The following SCAPER variants were observed in gnomAD, a reference collection of about 807,000 sequenced individuals.
SCAPER encodes the protein S phase cyclin A-associated protein in the endoplasmic reticulum.
SCAPER carries 98 observed loss-of-function variants against 182.2 expected under a neutral mutation model. The observed-to-expected ratio is 0.54, with a 90% CI of 0.46 to 0.64. The LOEUF is 0.64. Among genes scored for constraint, SCAPER ranks in the 30% least tolerant of loss-of-function variants. The probability of loss-of-function intolerance (pLI) is 0.00; values close to 1 mark genes in which losing one functional copy is unlikely to be tolerated. For missense variants in SCAPER, 1,432 were observed against 1,690.0 expected, an observed-to-expected ratio of 0.85 and a Z score of 2.68; for synonymous variants, 605 against 564.6, an observed-to-expected ratio of 1.07 and a Z score of -1.01.
intron 29 of SCAPER, among the ~76,000 whole-genome samples, chr15:76,356,722 G>A (rs2040984447): frequency 1.3e-5 from 2 of 152,146 alleles, no homozygotes; most frequent in African/African-American, 4.8e-5. Flanking sequence ...CTTTCAGAGT[G>A]CACAAGGCCA....
rs528820027 is a variant in SCAPER at position 76,553,164 on chromosome 15, T to C, written c.2838+20994A>G. On this transcript the variant is annotated intron_variant, in intron 23 of 31. Coordinates refer to ENST00000563290, the MANE Select transcript of SCAPER (RefSeq NM_020843.4). ...CTCCCTTCCCTGGATGGTGCACATATGTGCACACACTCCTCCTCTATCCAA... is the reference window on the plus strand; with the variant it reads ...CTCCCTTCCCTGGATGGTGCACATACGTGCACACACTCCTCCTCTATCCAA... 5.3e-5 allele frequency among the ~76,000 whole-genome samples: 8 copies of C among 152,284 alleles called. No homozygotes were observed. In the South Asian group the frequency reaches 1.7e-3, roughly 32 times the overall value.
chr15:76,828,381 T>C lies in SCAPER; in HGVS notation c.393+13353A>G, dbSNP rs1030428696. ...TCTCAAGTTATTCCATTATTCAACA[T>C]ACCCAAAAGGAAAAAAATCAATGCT... On this transcript the variant is annotated intron_variant, in intron 5 of 31. Transcript: ENST00000563290. Among the ~76,000 whole-genome samples the C allele has an allele frequency of 4.0e-5, 6 of 149,382 alleles. No homozygotes were observed. In the East Asian group the frequency reaches 1.2e-3, roughly 29 times the overall value.
Position 76,705,979 on chromosome 15 carries a change from C to T in SCAPER, c.2171G>A (p.Arg724Lys). 1 of 1,550,200 alleles carries T rather than the reference C, an allele frequency of 6.5e-7. No individual in the cohort carries two copies. The highest frequency in any genetic ancestry group is 8.7e-7 in the Non-Finnish European group (1 of 1,149,874). ...EDAARERARD[R>K]EERLAALTAA... ...TGTGAGTGCTGCCAATCGTTCTTCC[C>T]TGTCTCTGTAAGAAGACAGTAAAAA... The change falls in exon 18 of 32, where the codon AGG (arginine) becomes AAG (lysine). Residue 724 changes from arginine (R) to lysine (K), a missense_variant. Physicochemically the swap from Arg to Lys is conservative, Grantham distance 26. This residue lies in a region of SCAPER where 88 missense variants were observed against 184.2 expected (regional missense o/e 0.48). Transcript: ENST00000563290.
chr15:76,700,822 A>C (rs1454557786), intron 20 of SCAPER, among the ~76,000 whole-genome samples: 3 of 152,238 alleles, frequency 2.0e-5, no homozygotes, highest in Non-Finnish European at 2.9e-5. Flanking sequence ...TCACAAGCTT[A>C]AGCATGAATG....
At chr15:76,896,971 A>G (rs1568429185) in intron 1 of SCAPER, among the ~76,000 whole-genome samples, 1 of 152,020 alleles carries the variant, frequency 6.6e-6, no homozygotes, top group Non-Finnish European at 1.5e-5. Flanking sequence ...TTTTTTTTAA[A>G]AAGAGTAAGT....
Position 76,665,648 on chromosome 15 carries a change from G to A in SCAPER, c.2645+5C>T. The A allele has an allele frequency of 6.3e-7, 1 of 1,581,876 alleles. No homozygotes were observed. The highest frequency in any genetic ancestry group is 2.2e-5 in the East Asian group (1 of 44,590). ...TTCTTTTGCTTTTAAGGGTATTTAA[G>A]GTACCTGAAGTTCATCCGGGCTTTT... On this transcript the variant is annotated splice_donor_5th_base_variant and intron_variant, in intron 21 of 31. Coordinates refer to ENST00000563290, the MANE Select transcript of SCAPER (RefSeq NM_020843.4).
intron 29 of SCAPER, among the ~76,000 whole-genome samples, chr15:76,355,457 CTTTATT>C (rs941169639): frequency 9.2e-5 from 14 of 152,268 alleles, no homozygotes; most frequent in African/African-American, 3.1e-4. Flanking sequence ...TTACTTAAAT[CTTTATT>C]TTAACTATTA....
chr15:76,815,492 G>C (rs534446091), intron 5 of SCAPER, among the ~76,000 whole-genome samples: 1 of 152,142 alleles, frequency 6.6e-6, no homozygotes, highest in African/African-American at 2.4e-5. Flanking sequence ...ATCATTGTGC[G>C]ACCATCAGAG....
chr15:76,395,307 A>G (rs1344942627), intron 27 of SCAPER, among the ~76,000 whole-genome samples: 2 of 152,172 alleles, frequency 1.3e-5, no homozygotes, highest in African/African-American at 2.4e-5. Flanking sequence ...TGCAACAAAC[A>G]TGGGAGTGTG....
At chr15:76,380,966 T>A (rs1309621185) in intron 28 of SCAPER, 2 of 152,418 alleles carry the variant, frequency 1.3e-5, no homozygotes, top group Non-Finnish European at 2.9e-5. Context: ...TATTTAAAAG[T>A]TGATGAGATG....
intron 22 of SCAPER, among the ~76,000 whole-genome samples, chr15:76,588,203 T>C (rs988776501): frequency 1.3e-5 from 2 of 152,218 alleles, no homozygotes; most frequent in Non-Finnish European, 2.9e-5. Context: ...ATTACAGGCG[T>C]GAGCCACCGC....
chr15:76,783,087 C>A (rs1005511135), intron 8 of SCAPER, among the ~76,000 whole-genome samples: 3 of 151,950 alleles, frequency 2.0e-5, no homozygotes, highest in African/African-American at 7.3e-5. Context: ...ATACATGAAT[C>A]CAAGAGGTGT....
chr15:76,413,564 T>C (rs2045444814), intron 26 of SCAPER, among the ~76,000 whole-genome samples: 1 of 152,234 alleles, frequency 6.6e-6, no homozygotes, highest in African/African-American at 2.4e-5. Flanking sequence ...AGAATGTTTG[T>C]ATAGGGAATG....
chr15:76,681,747 C>G (rs2147002153), intron 20 of SCAPER, among the ~76,000 whole-genome samples: 1 of 152,280 alleles, frequency 6.6e-6, no homozygotes, highest in South Asian at 2.1e-4. Flanking sequence ...GAAGACATCA[C>G]AACTACCACA....
At chr15:76,652,635 G>A (rs372442363) in intron 21 of SCAPER, among the ~76,000 whole-genome samples, 1 of 150,480 alleles carries the variant, frequency 6.6e-6, no homozygotes, top group African/African-American at 2.4e-5. Context: ...CACTTAGAGC[G>A]GGGAGGCAGA....
chr15:76,581,258 T>C (rs1418280738), intron 22 of SCAPER, among the ~76,000 whole-genome samples: 1 of 152,188 alleles, frequency 6.6e-6, no homozygotes, highest in African/African-American at 2.4e-5. Context: ...CTTATCAATC[T>C]TACTCAAACT....
At chr15:76,731,803 A>T (rs2060935476) in intron 16 of SCAPER, among the ~76,000 whole-genome samples, 1 of 152,248 alleles carries the variant, frequency 6.6e-6, no homozygotes, top group Admixed American at 6.5e-5. Flanking sequence ...AACAATTCTT[A>T]AAGTGTTGGT....
chr15:76,651,927 C>G (rs1368806934), intron 21 of SCAPER, among the ~76,000 whole-genome samples: 1 of 151,708 alleles, frequency 6.6e-6, no homozygotes, highest in Non-Finnish European at 1.5e-5. Context: ...TAACACACCA[C>G]AAATCAAGTA....
intron 22 of SCAPER, among the ~76,000 whole-genome samples, chr15:76,583,276 G>A (rs1477048156): frequency 5.3e-5 from 8 of 151,452 alleles, no homozygotes; most frequent in East Asian, 1.9e-4. Flanking sequence ...GCTTGAACCC[G>A]GAAGGCAGAG....
Sources: allele counts gnomAD v4.1 joint callset (sites outside exome capture counted in the v4.1 genomes callset), GRCh38; gene constraint gnomAD v4.1.1; regional missense constraint gnomAD v4.1.1; transcripts MANE v1.5; gene names NCBI Gene and HGNC (gene_info 2026-07-23, HGNC 2026-07-21).